RAI14: variants seen among roughly 807,000 people sequenced by gnomAD.
The protein encoded by RAI14 is ankycorbin.
A neutral mutation model predicts 115.4 loss-of-function variants in RAI14; 45 were observed. The observed-to-expected ratio is 0.39, with a 90% CI of 0.31 to 0.50. The LOEUF (loss-of-function observed/expected upper bound fraction) is 0.50, where lower values mean the gene tolerates loss of function less well. Ranked by LOEUF, RAI14 falls within the 20% of genes least tolerant of loss-of-function variation. RAI14 has a pLI of 0.85. For missense variants in RAI14, 939 were observed against 1,131.2 expected (o/e 0.83, Z 2.44); for synonymous variants, 371 against 415.4 (o/e 0.89, Z 1.30).
intron 3 of RAI14, among the ~76,000 whole-genome samples, chr5:34,768,080 C>T (rs1348995070): frequency 6.6e-6 from 1 of 152,114 alleles, no homozygotes; most frequent in African/African-American, 2.4e-5. Flanking sequence ...TCAACACTAG[C>T]CCGTGAGAGC....
intron 2 of RAI14, among the ~76,000 whole-genome samples, chr5:34,723,099 CAAAAAAA>C (rs34763264): frequency 2.3e-5 from 2 of 85,662 alleles, no homozygotes; most frequent in African/African-American, 8.1e-5. Flanking sequence ...GACCCTGTCT[CAAAAAAA>C]AAAAAAAAAA....
At chr5:34,709,263 C>T (rs1433826295) in intron 2 of RAI14, among the ~76,000 whole-genome samples, 1 of 151,978 alleles carries the variant, frequency 6.6e-6, no homozygotes, top group African/African-American at 2.4e-5. Context: ...GTCTGGCCAA[C>T]TTGGCGAAAC....
intron 2 of RAI14, among the ~76,000 whole-genome samples, chr5:34,727,250 T>C (rs1275279004): frequency 1.3e-5 from 2 of 152,208 alleles, no homozygotes; most frequent in African/African-American, 4.8e-5. Flanking sequence ...CCTAGAGATC[T>C]GTGGAACTTT....
At chr5:34,747,858 G>A (rs998068890) in intron 2 of RAI14, among the ~76,000 whole-genome samples, 3 of 152,182 alleles carry the variant, frequency 2.0e-5, no homozygotes, top group Admixed American at 6.5e-5. Context: ...AGTGGTGAAC[G>A]AGACAGATGC....
At chr5:34,792,956 G>C (rs891386394) in intron 3 of RAI14, among the ~76,000 whole-genome samples, 1 of 152,086 alleles carries the variant, frequency 6.6e-6, no homozygotes, top group African/African-American at 2.4e-5. Context: ...CCAGAATAGA[G>C]AAAAAAAGTC....
intron 1 of RAI14, among the ~76,000 whole-genome samples, chr5:34,676,758 A>G (rs1458806750): frequency 2.0e-5 from 3 of 152,220 alleles, no homozygotes; most frequent in Admixed American, 2.0e-4. Flanking sequence ...CAAGTTGTGA[A>G]TATAGGAGAT....
At chr5:34,779,952 A>T (rs1309540262) in intron 3 of RAI14, among the ~76,000 whole-genome samples, 2 of 152,142 alleles carry the variant, frequency 1.3e-5, no homozygotes, top group African/African-American at 4.8e-5. Flanking sequence ...GAGGCATCAC[A>T]CTACCTGACT....
At chr5:34,799,489 C>T (rs965104584) in intron 4 of RAI14, among the ~76,000 whole-genome samples, 3 of 107,080 alleles carry the variant, frequency 2.8e-5, no homozygotes, top group African/African-American at 1.3e-4. Flanking sequence ...AAAACACACA[C>T]ACAGACACAC....
intron 6 of RAI14, among the ~76,000 whole-genome samples, chr5:34,808,338 C>G (rs179843): frequency 6.6e-6 from 1 of 152,218 alleles, no homozygotes; most frequent in Non-Finnish European, 1.5e-5. Flanking sequence ...CTGTGAAAAC[C>G]TGAGCCAAAT....
At chr5:34,819,911 AT>A (rs1193918157) in intron 13 of RAI14, among the ~76,000 whole-genome samples, 1 of 152,174 alleles carries the variant, frequency 6.6e-6, no homozygotes, top group East Asian at 1.9e-4. Context: ...CCCTAGAAAC[AT>A]TAAACTTTCT....
At position 34,669,841 on chromosome 5, in the gene RAI14, C is replaced by T. The variant is rs570111845; in HGVS notation, c.-49+13366C>T. Reference sequence around the variant, plus strand: ...CAAATTGTTGCCAAGACATGGAAACCTCCATCTCAGTCTGCTGTCAGCCCA... The same window carrying T: ...CAAATTGTTGCCAAGACATGGAAACTTCCATCTCAGTCTGCTGTCAGCCCA... On this transcript the variant is annotated intron_variant, in intron 1 of 17. Coordinates refer to ENST00000265109, the MANE Select transcript of RAI14 (RefSeq NM_015577.3). 1.6e-4 allele frequency among the ~76,000 whole-genome samples: 25 copies of T among 152,296 alleles called. No individual in the cohort carries two copies. The South Asian group carries it at 3.1e-3, about 19-fold the overall frequency.
chr5:34,746,180 A>T (rs949889205), intron 2 of RAI14, among the ~76,000 whole-genome samples: 6 of 143,404 alleles, frequency 4.2e-5, no homozygotes, highest in Non-Finnish European at 6.0e-5. Flanking sequence ...ATCCTGGCTC[A>T]CTGCAAGCTC....
chr5:34,694,556 T>C (rs895647749), intron 2 of RAI14, among the ~76,000 whole-genome samples: 2 of 152,100 alleles, frequency 1.3e-5, no homozygotes, highest in African/African-American at 4.8e-5. Context: ...TAGAGTAGTT[T>C]TTATTGTATT....
chr5:34,797,358 A>G (rs573869925), intron 4 of RAI14, among the ~76,000 whole-genome samples: 2 of 152,270 alleles, frequency 1.3e-5, no homozygotes, highest in South Asian at 4.2e-4. Context: ...ATGGTTGGGA[A>G]CAGGTTTAGA....
At chr5:34,786,808 A>C (rs1185958315) in intron 3 of RAI14, among the ~76,000 whole-genome samples, 1 of 152,200 alleles carries the variant, frequency 6.6e-6, no homozygotes, top group Admixed American at 6.5e-5. Context: ...AAAGACACAC[A>C]CACAGAAATA....
chr5:34,777,390 G>C (rs1750998668), intron 3 of RAI14, among the ~76,000 whole-genome samples: 1 of 152,162 alleles, frequency 6.6e-6, no homozygotes, highest in Non-Finnish European at 1.5e-5. Flanking sequence ...GGAACTGTGG[G>C]TTATTATGTT....
intron 3 of RAI14, among the ~76,000 whole-genome samples, chr5:34,774,723 A>G (rs1436568661): frequency 6.6e-6 from 1 of 151,632 alleles, no homozygotes; most frequent in Non-Finnish European, 1.5e-5. Context: ...TGCAATCCCT[A>G]TCAAAATACC....
intron 2 of RAI14, among the ~76,000 whole-genome samples, chr5:34,756,834 G>C (rs1205398798): frequency 6.6e-6 from 1 of 152,194 alleles, no homozygotes; most frequent in African/African-American, 2.4e-5. Context: ...TTGGGGTTTG[G>C]CATTGACAGT....
At chr5:34,705,566 A>T (rs1296201507) in intron 2 of RAI14, among the ~76,000 whole-genome samples, 2 of 152,158 alleles carry the variant, frequency 1.3e-5, no homozygotes, top group Admixed American at 1.3e-4. Flanking sequence ...ATTAACATAA[A>T]CAGATGTGAG....
Sources: gnomAD v4.1 joint callset for allele counts (sites outside exome capture counted in the v4.1 genomes callset) on GRCh38, gnomAD v4.1.1 for gene constraint, MANE v1.5 for transcripts, NCBI Gene and HGNC (gene_info 2026-07-23, HGNC 2026-07-21) for gene names.